Variants in SGCZ observed in about 807,000 individuals in gnomAD.
SGCZ encodes the protein zeta-sarcoglycan.
SGCZ carries 40 observed loss-of-function variants against 41.3 expected under a neutral mutation model. That is an observed-to-expected ratio of 0.97 (90% CI 0.75 to 1.26). SGCZ has a LOEUF of 1.26. SGCZ is among the 50% of genes most tolerant of loss of function. The pLI is 0.00. For synonymous variants in SGCZ, 206 were observed against 137.5 expected, an observed-to-expected ratio of 1.50 and a Z score of -3.49; for missense variants, 552 against 369.8, an observed-to-expected ratio of 1.49 and a Z score of -4.04.
At chr8:14,869,057 G>GA (rs1483475413) in intron 1 of SGCZ, among the ~76,000 whole-genome samples, 4 of 151,904 alleles carry the variant, frequency 2.6e-5, no homozygotes, top group Non-Finnish European at 4.4e-5. Context: ...CCAAACAACA[G>GA]AAAAAAGGAA....
At chr8:14,413,439 G>A (rs1340500415) in intron 2 of SGCZ, among the ~76,000 whole-genome samples, 3 of 151,914 alleles carry the variant, frequency 2.0e-5, no homozygotes, top group Non-Finnish European at 2.9e-5. Flanking sequence ...CAAGGAAAGA[G>A]TTCTTTCCTC....
chr8:15,083,933 C>T (rs960877014), intron 1 of SGCZ, among the ~76,000 whole-genome samples: 1 of 152,098 alleles, frequency 6.6e-6, no homozygotes, highest in African/African-American at 2.4e-5. Flanking sequence ...GTTTCATGGT[C>T]CTTGACTTTT....
At chr8:14,347,447 G>A (rs17119129) in intron 2 of SGCZ, among the ~76,000 whole-genome samples, 17,699 of 151,898 alleles carry the variant, frequency 0.12, 1,358 homozygotes, top group East Asian at 0.27. Flanking sequence ...CAGGAAAAAA[G>A]TTATGTTCTT....
At chr8:14,260,336 AC>A (rs1194577193) in intron 3 of SGCZ, among the ~76,000 whole-genome samples, 7 of 150,974 alleles carry the variant, frequency 4.6e-5, no homozygotes, top group African/African-American at 1.7e-4. Context: ...GCCAAAAAAC[AC>A]ATGAAACAAT....
At chr8:15,145,917 T>C (rs1343957405) in intron 1 of SGCZ, among the ~76,000 whole-genome samples, 1 of 151,856 alleles carries the variant, frequency 6.6e-6, no homozygotes, top group Non-Finnish European at 1.5e-5. Flanking sequence ...TAAAAATGAG[T>C]CAAGGGAATA....
chr8:14,420,417 T>G (rs1465016389), intron 2 of SGCZ, among the ~76,000 whole-genome samples: 3 of 152,052 alleles, frequency 2.0e-5, no homozygotes, highest in Non-Finnish European at 4.4e-5. Flanking sequence ...AATCTTAGCT[T>G]TTGTTGTGGA....
intron 2 of SGCZ, among the ~76,000 whole-genome samples, chr8:14,398,377 C>A (rs1191146752): frequency 6.6e-6 from 1 of 152,130 alleles, no homozygotes; most frequent in East Asian, 1.9e-4. Flanking sequence ...GTTCAAGCAT[C>A]CTTTCCTCCT....
intron 2 of SGCZ, among the ~76,000 whole-genome samples, chr8:14,538,731 GA>G (rs1320837719): frequency 6.6e-6 from 1 of 151,938 alleles, no homozygotes; most frequent in Non-Finnish European, 1.5e-5. Flanking sequence ...AAGTGAGGCA[GA>G]AGAGTTAGGC....
At chr8:14,558,952 A>C (rs758562625) in intron 1 of SGCZ, among the ~76,000 whole-genome samples, 2 of 152,028 alleles carry the variant, frequency 1.3e-5, no homozygotes, top group Non-Finnish European at 2.9e-5. Flanking sequence ...AAAACCCTCA[A>C]CAAAACTGGC....
intron 1 of SGCZ, among the ~76,000 whole-genome samples, chr8:14,881,058 G>C (rs1804569482): frequency 6.6e-6 from 1 of 152,002 alleles, no homozygotes; most frequent in South Asian, 2.1e-4. Context: ...TGTGACCTTG[G>C]CCTGTGACTT....
At chr8:14,968,594 G>A (rs1406110586) in intron 1 of SGCZ, among the ~76,000 whole-genome samples, 1 of 152,126 alleles carries the variant, frequency 6.6e-6, no homozygotes, top group Non-Finnish European at 1.5e-5. Context: ...ACTCAGTACT[G>A]TAGATGACGT....
chr8:14,701,225 T>C (rs1362975245), intron 1 of SGCZ, among the ~76,000 whole-genome samples: 1 of 151,996 alleles, frequency 6.6e-6, no homozygotes, highest in Non-Finnish European at 1.5e-5. Flanking sequence ...CAGCATGGGA[T>C]TGTTCAACAG....
intron 2 of SGCZ, among the ~76,000 whole-genome samples, chr8:14,539,496 C>T (rs1287155426): frequency 2.6e-5 from 4 of 151,830 alleles, no homozygotes; most frequent in African/African-American, 9.7e-5. Flanking sequence ...TGGTGGGGTT[C>T]TCCAGCAACT....
chr8:14,541,923 T>C (rs1409933246), intron 2 of SGCZ, among the ~76,000 whole-genome samples: 1 of 152,172 alleles, frequency 6.6e-6, no homozygotes, highest in Non-Finnish European at 1.5e-5. Flanking sequence ...GCCACAAATA[T>C]GTCTTCTTTT....
At chr8:15,174,260 T>A (rs1799935114) in intron 1 of SGCZ, among the ~76,000 whole-genome samples, 1 of 152,180 alleles carries the variant, frequency 6.6e-6, no homozygotes, top group African/African-American at 2.4e-5. Context: ...ATGTAAAAGA[T>A]CAAATAGTTT....
At chr8:14,870,863 A>G (rs1804122393) in intron 1 of SGCZ, among the ~76,000 whole-genome samples, 1 of 152,200 alleles carries the variant, frequency 6.6e-6, no homozygotes, top group South Asian at 2.1e-4. Flanking sequence ...ATTCAAATCA[A>G]AACCACAAGG....
At chr8:14,199,070 G>A (rs1327526230) in intron 4 of SGCZ, among the ~76,000 whole-genome samples, 1 of 152,202 alleles carries the variant, frequency 6.6e-6, no homozygotes, top group African/African-American at 2.4e-5. Context: ...CAGGGAACAA[G>A]GGAGATAACC....
chr8:14,775,460 AGTGTGTGTGTGTGT>A (rs71739993), intron 1 of SGCZ, among the ~76,000 whole-genome samples: 2 of 149,318 alleles, frequency 1.3e-5, no homozygotes, highest in East Asian at 2.0e-4. Flanking sequence ...AGAATATTTG[AGTGTGTGTGTGTGT>A]GTGTGTGTGT....
intron 1 of SGCZ, among the ~76,000 whole-genome samples, chr8:14,605,879 G>C (rs1355303): frequency 2.6e-5 from 4 of 152,042 alleles, no homozygotes; most frequent in East Asian, 3.9e-4. Context: ...CTTTGTGCTG[G>C]AATGAAAAGA....
Sources: allele counts gnomAD v4.1 joint callset (sites outside exome capture counted in the v4.1 genomes callset), GRCh38; gene constraint gnomAD v4.1.1; transcripts MANE v1.5; gene names NCBI Gene and HGNC (gene_info 2026-07-23, HGNC 2026-07-21).